Variants in PCDH11X observed in about 807,000 individuals in gnomAD.
The protein encoded by PCDH11X is protocadherin 11 X-linked.
In PCDH11X, 18 loss-of-function variants were observed where a neutral mutation model predicts 53.3. That is an observed-to-expected ratio of 0.34 (90% CI 0.23 to 0.50). The LOEUF (loss-of-function observed/expected upper bound fraction) is 0.50. Ranked by LOEUF, PCDH11X falls within the 20% of genes least tolerant of loss-of-function variation. The pLI, the probability that PCDH11X is intolerant of heterozygous loss-of-function variation, is 0.98. For synonymous variants in PCDH11X, 279 were observed against 393.3 expected, an observed-to-expected ratio of 0.71 and a Z score of 3.44; for missense variants, 570 against 1,032.4, an observed-to-expected ratio of 0.55 and a Z score of 6.14.
intron 6 of PCDH11X, among the ~76,000 whole-genome samples, chrX:92,112,174 A>G (rs2064530802): frequency 9.2e-6 from 1 of 109,277 alleles, no homozygotes; most frequent in African/African-American, 3.3e-5. Flanking sequence ...TTATAATTTC[A>G]TAAGAGAGAG....
At chrX:92,288,699 A>T (rs776710657) in intron 8 of PCDH11X, among the ~76,000 whole-genome samples, 1 of 111,568 alleles carries the variant, frequency 9.0e-6, no homozygotes, top group South Asian at 3.8e-4. Context: ...ATCAGAGGAA[A>T]TGTATACAGT....
chrX:92,564,965 G>A (rs764145079), intron 10 of PCDH11X, among the ~76,000 whole-genome samples: 50 of 110,818 alleles, frequency 4.5e-4, no homozygotes, highest in African/African-American at 1.5e-3. Context: ...CAGAAGATCT[G>A]AATAGACATT....
At chrX:92,268,930 C>T (rs758806490) in intron 8 of PCDH11X, among the ~76,000 whole-genome samples, 1 of 112,269 alleles carries the variant, frequency 8.9e-6, no homozygotes, top group South Asian at 3.8e-4. Flanking sequence ...GCCATCACCA[C>T]AGGTGAATAT....
intron 6 of PCDH11X, among the ~76,000 whole-genome samples, chrX:92,029,366 G>A (rs190281377): frequency 2.2e-3 from 244 of 111,805 alleles, no homozygotes; most frequent in African/African-American, 7.6e-3. Context: ...TTCTATCGCA[G>A]TTTATTGGAT....
chrX:92,276,786 T>C (rs1282926143), intron 8 of PCDH11X, among the ~76,000 whole-genome samples: 2 of 111,817 alleles, frequency 1.8e-5, no homozygotes, highest in African/African-American at 6.5e-5. Flanking sequence ...GAGAATAAGA[T>C]GGCCTTTTGA....
chrX:92,488,164 G>A lies in PCDH11X; in HGVS notation c.3367+19842G>A, dbSNP rs2073684539. 2.7e-5 allele frequency among the ~76,000 whole-genome samples: 3 copies of A among 109,851 alleles called. No individual in the cohort carries two copies. In the Admixed American group the frequency reaches 2.9e-4, roughly 11 times the overall value. ...ATCTTTTGTTAACCTCTCAACATCAGTATCATCTTTGTGAAGTGAGAGCGC... is the reference window on the plus strand; with the variant it reads ...ATCTTTTGTTAACCTCTCAACATCAATATCATCTTTGTGAAGTGAGAGCGC... On this transcript the variant is annotated intron_variant, in intron 10 of 10. Coordinates refer to ENST00000682573, the MANE Select transcript of PCDH11X (RefSeq NM_032968.5).
intron 7 of PCDH11X, among the ~76,000 whole-genome samples, chrX:92,253,878 C>A (rs947262959): frequency 4.5e-5 from 5 of 112,001 alleles, no homozygotes; most frequent in East Asian, 2.8e-4. Flanking sequence ...ATATGATCTG[C>A]AAACAAGGTT....
chrX:92,602,626 A>T (rs2148809402), intron 10 of PCDH11X, among the ~76,000 whole-genome samples: 1 of 99,894 alleles, frequency 1.0e-5, no homozygotes, highest in Admixed American at 1.1e-4. Context: ...AGCTAAAATT[A>T]CTGACATCTC....
At chrX:92,442,194 G>A (rs770036732) in intron 9 of PCDH11X, among the ~76,000 whole-genome samples, 2 of 110,770 alleles carry the variant, frequency 1.8e-5, no homozygotes, top group South Asian at 7.8e-4. Flanking sequence ...AGGCAGAAGG[G>A]ACTTGCGTTT....
At chrX:91,801,951 A>C (rs987364401) in intron 1 of PCDH11X, among the ~76,000 whole-genome samples, 2 of 113,323 alleles carry the variant, frequency 1.8e-5, no homozygotes, top group Non-Finnish European at 1.9e-5. Context: ...ATGCATTATC[A>C]ATGCACTTTC....
At chrX:91,917,856 C>T (rs1425275992) in intron 6 of PCDH11X, among the ~76,000 whole-genome samples, 2 of 108,222 alleles carry the variant, frequency 1.8e-5, no homozygotes, top group Non-Finnish European at 3.9e-5. Flanking sequence ...AAAAAAACAC[C>T]CTGCATAGCC....
rs185384529 is a variant in PCDH11X at position 92,242,287 on chromosome X, T to C, written c.3115-20827T>C. ...TAAGCCAGGCATGTTGGTACACACC[T>C]GTAGTTCCAGCTATATGGCAGGCTG... is the stretch of plus-strand genomic sequence containing the variant. On this transcript the variant is annotated intron_variant, in intron 7 of 10. Transcript: ENST00000682573. 4.5e-5 allele frequency among the ~76,000 whole-genome samples: 5 copies of C among 110,958 alleles called. No homozygotes were observed. In the East Asian group the frequency reaches 1.4e-3, roughly 32 times the overall value.
At chrX:92,406,097 TCAA>T (rs1240716527) in intron 9 of PCDH11X, among the ~76,000 whole-genome samples, 1 of 9,234 alleles carries the variant, frequency 1.1e-4, no homozygotes, top group Non-Finnish European at 2.0e-4. Flanking sequence ...AGACTCTGTC[TCAA>T]AAAAAAAAAA....
chrX:92,529,390 T>C lies in PCDH11X; in HGVS notation c.3367+61068T>C, dbSNP rs746999915. On this transcript the variant is annotated intron_variant, in intron 10 of 10. Coordinates refer to ENST00000682573, the MANE Select transcript of PCDH11X (RefSeq NM_032968.5). ...AATCTGTATGTATTATTTAGTGCCA[T>C]TACCAATCCTAAAGCTTTCTAGATT... Among the ~76,000 whole-genome samples the C allele has an allele frequency of 9.3e-3, 1,009 of 108,417 alleles. 14 individuals are homozygous for C. Among genetic ancestry groups the C allele is most frequent in the African/African-American group, 0.033 (970 of 29,791 alleles). The allele number at this position is 108,417 out of a possible 115,157, so 94.1% of individuals were successfully genotyped here.
At chrX:92,070,055 T>C (rs5984144) in intron 6 of PCDH11X, among the ~76,000 whole-genome samples, 1,554 of 111,855 alleles carry the variant, frequency 0.014, 24 homozygotes, top group African/African-American at 0.047. Context: ...TAATAAAAAC[T>C]CTACACTTTA....
chrX:92,490,636 A>G (rs778977569), intron 10 of PCDH11X, among the ~76,000 whole-genome samples: 27 of 109,923 alleles, frequency 2.5e-4, no homozygotes, highest in Admixed American at 8.9e-4. Context: ...TGGAAATGGC[A>G]TGAACAGTGA....
At chrX:92,284,213 C>T (rs1400778070) in intron 8 of PCDH11X, among the ~76,000 whole-genome samples, 2 of 110,867 alleles carry the variant, frequency 1.8e-5, no homozygotes, top group Non-Finnish European at 3.8e-5. Context: ...TCGTTCTTTA[C>T]TACACTTTGG....
intron 9 of PCDH11X, among the ~76,000 whole-genome samples, chrX:92,406,026 C>T (rs868601103): frequency 0.012 from 1,099 of 92,632 alleles, 17 homozygotes; most frequent in African/African-American, 0.043. Flanking sequence ...ACCCAGGAGG[C>T]GGAGCTTGCA....
At position 92,536,805 on chromosome X, in the gene PCDH11X, A is replaced by T. The variant is rs180780271; in HGVS notation, c.3367+68483A>T. On this transcript the variant is annotated intron_variant, in intron 10 of 10. Transcript: ENST00000682573. Reference sequence around the variant, plus strand: ...CCGCAGTATCTGGAACTACAGGTGTATGCCACAATGCTAGGATAAATTTTG... The same window carrying T: ...CCGCAGTATCTGGAACTACAGGTGTTTGCCACAATGCTAGGATAAATTTTG... Among the ~76,000 whole-genome samples, 194 of 109,419 alleles carry T rather than the reference A, an allele frequency of 1.8e-3. 1 individual carries two copies. The highest frequency in any genetic ancestry group is 6.3e-3 in the African/African-American group (190 of 30,024).
Sources: gnomAD v4.1 joint callset for allele counts (sites outside exome capture counted in the v4.1 genomes callset) on GRCh38, gnomAD v4.1.1 for gene constraint, MANE v1.5 for transcripts, NCBI Gene and HGNC (gene_info 2026-07-23, HGNC 2026-07-21) for gene names.